Variants in WDR70 observed in about 807,000 individuals in gnomAD.
WDR70 encodes WD repeat domain 70, also known as WD repeat-containing protein 70.
Under a neutral mutation model 88.6 loss-of-function variants are expected in WDR70, and 53 were observed. The ratio of observed to expected loss-of-function variants is 0.60; its 90% CI spans 0.48 to 0.75. The LOEUF is 0.75. Ranked by LOEUF, WDR70 falls within the 30% of genes least tolerant of loss-of-function variation. WDR70 has a pLI of 0.00. For synonymous variants in WDR70, 280 were observed against 270.0 expected, an observed-to-expected ratio of 1.04 and a Z score of -0.36; for missense variants, 610 against 823.2, an observed-to-expected ratio of 0.74 and a Z score of 3.17.
chr5:37,680,827 A>G (rs572068971), intron 10 of WDR70, among the ~76,000 whole-genome samples: 2 of 152,292 alleles, frequency 1.3e-5, no homozygotes, highest in African/African-American at 4.8e-5. Context: ...TGAGTTGGGT[A>G]GTGTGATGCA....
At chr5:37,749,569 A>G (rs577175714) in intron 17 of WDR70, among the ~76,000 whole-genome samples, 4 of 152,038 alleles carry the variant, frequency 2.6e-5, no homozygotes, top group Non-Finnish European at 5.9e-5. Context: ...AGAAGAAAAA[A>G]AATATTATGC....
intron 10 of WDR70, among the ~76,000 whole-genome samples, chr5:37,626,153 A>T (rs1211989652): frequency 6.6e-6 from 1 of 152,050 alleles, no homozygotes; most frequent in Non-Finnish European, 1.5e-5. Flanking sequence ...GACTTCCATT[A>T]GTATGTTGAA....
rs375523858 is a variant in WDR70 at position 37,505,961 on chromosome 5, A to G, written c.841-10553A>G. The G allele has an allele frequency of 2.4e-5, 38 of 1,574,776 alleles. No homozygotes were observed. In the African/African-American group the frequency reaches 5.1e-4, roughly 21 times the overall value. On this transcript the variant is annotated intron_variant, in intron 8 of 17. Coordinates refer to ENST00000265107, the MANE Select transcript of WDR70 (RefSeq NM_018034.4). Reference sequence around the variant, plus strand: ...CACCTTCTAAATTGGCTTTAAGACCAGAAAGATCCTCAAAATTACACAGTT... The same window carrying G: ...CACCTTCTAAATTGGCTTTAAGACCGGAAAGATCCTCAAAATTACACAGTT...
At chr5:37,641,050 G>T (rs578180656) in intron 10 of WDR70, among the ~76,000 whole-genome samples, 3 of 152,168 alleles carry the variant, frequency 2.0e-5, no homozygotes, top group Non-Finnish European at 2.9e-5. Flanking sequence ...TTTTTCCTCA[G>T]CTCTATGATC....
At chr5:37,674,530 A>G (rs937543167) in intron 10 of WDR70, among the ~76,000 whole-genome samples, 3 of 152,042 alleles carry the variant, frequency 2.0e-5, no homozygotes, top group South Asian at 2.1e-4. Flanking sequence ...ATGATTTCCA[A>G]TTTCATCCAT....
In WDR70 at chr5:37,433,217, C is replaced by T. The variant is rs142548607; in HGVS notation, c.493-4705C>T. ...TTAGAATTACAGGTGTGTGCTACCACGCCTGGCTAATTTTTGTATTTTTAG... is the reference window on the plus strand; with the variant it reads ...TTAGAATTACAGGTGTGTGCTACCATGCCTGGCTAATTTTTGTATTTTTAG... On this transcript the variant is annotated intron_variant, in intron 5 of 17. Coordinates refer to ENST00000265107, the MANE Select transcript of WDR70 (RefSeq NM_018034.4). 2.3e-4 allele frequency among the ~76,000 whole-genome samples: 35 copies of T among 152,116 alleles called. 1 individual carries two copies. In the East Asian group the frequency reaches 5.2e-3, roughly 23 times the overall value.
At chr5:37,743,490 C>T (rs1010829091) in intron 17 of WDR70, among the ~76,000 whole-genome samples, 1 of 152,238 alleles carries the variant, frequency 6.6e-6, no homozygotes, top group African/African-American at 2.4e-5. Flanking sequence ...GCAGCTAGCA[C>T]TGGGACTAGC....
rs1300755333 is a variant in WDR70, at chr5:37,722,923, A to G, written c.1586A>G (p.Tyr529Cys). Residue 529 changes from tyrosine to cysteine, a missense_variant, in exon 15 of 18, where the codon TAC becomes TGC. Physicochemically the swap from Tyr to Cys is radical, Grantham distance 194. Coordinates refer to ENST00000265107, the MANE Select transcript of WDR70 (RefSeq NM_018034.4). ...AKQAETLTQDYIITPHALPMF... is the reference protein window; with the variant it reads ...AKQAETLTQDCIITPHALPMF... ...CAAGCTGAGACTCTAACTCAGGACT[A>G]CATCATCACCCGTAAGTCGTTAACA... The G allele has an allele frequency of 6.2e-7, 1 of 1,613,456 alleles. No individual in the cohort carries two copies. The highest frequency in any genetic ancestry group is 8.5e-7 in the Non-Finnish European group (1 of 1,179,632).
chr5:37,446,468 G>C (rs1359386995), intron 7 of WDR70, among the ~76,000 whole-genome samples: 1 of 152,146 alleles, frequency 6.6e-6, no homozygotes. Flanking sequence ...CCAAAAAAGA[G>C]CCCGCATCGC....
chr5:37,630,891 A>G (rs1236132617), intron 10 of WDR70, among the ~76,000 whole-genome samples: 4 of 152,198 alleles, frequency 2.6e-5, no homozygotes, highest in Admixed American at 2.0e-4. Flanking sequence ...AATCTGGAGC[A>G]GTGAAACTGC....
At chr5:37,411,619 G>A (rs962899262) in intron 5 of WDR70, among the ~76,000 whole-genome samples, 47 of 152,164 alleles carry the variant, frequency 3.1e-4, no homozygotes, top group African/African-American at 8.7e-4. Flanking sequence ...CCAGCTACTC[G>A]GGAGGCTGAG....
chr5:37,699,329 C>CAT (rs2112654417), intron 11 of WDR70, among the ~76,000 whole-genome samples: 1 of 61,208 alleles, frequency 1.6e-5, no homozygotes, highest in East Asian at 3.6e-4. Flanking sequence ...TCCTTTCCAT[C>CAT]ATACACACAC....
intron 7 of WDR70, among the ~76,000 whole-genome samples, chr5:37,445,968 G>A (rs1738462250): frequency 6.6e-6 from 1 of 152,056 alleles, no homozygotes; most frequent in Non-Finnish European, 1.5e-5. Context: ...GAAATAAAGG[G>A]TATTCAGTTA....
intron 10 of WDR70, among the ~76,000 whole-genome samples, chr5:37,611,920 A>C (rs1026906158): frequency 4.6e-5 from 7 of 152,050 alleles, no homozygotes; most frequent in Non-Finnish European, 8.8e-5. Context: ...ATATCATCAA[A>C]GACTTGTATA....
chr5:37,515,127 T>C (rs900048975), intron 8 of WDR70, among the ~76,000 whole-genome samples: 1 of 151,784 alleles, frequency 6.6e-6, no homozygotes, highest in African/African-American at 2.4e-5. Context: ...TAAGTGATAG[T>C]GATGAAAAAG....
chr5:37,710,971 A>C (rs1747493481), intron 13 of WDR70, among the ~76,000 whole-genome samples: 1 of 151,432 alleles, frequency 6.6e-6, no homozygotes, highest in Non-Finnish European at 1.5e-5. Flanking sequence ...TCTCTGAAAA[A>C]CCCTATGCCT....
intron 10 of WDR70, among the ~76,000 whole-genome samples, chr5:37,635,591 G>A (rs1744939663): frequency 6.6e-6 from 1 of 152,044 alleles, no homozygotes; most frequent in Non-Finnish European, 1.5e-5. Flanking sequence ...ATTTGGTGTA[G>A]AAGTTAAATG....
intron 5 of WDR70, among the ~76,000 whole-genome samples, chr5:37,416,651 C>T (rs1749766187): frequency 6.6e-6 from 1 of 150,762 alleles, no homozygotes; most frequent in African/African-American, 2.4e-5. Context: ...GTGATATCGG[C>T]TCACTGCAAG....
chr5:37,552,317 T>C (rs1273595379), intron 9 of WDR70, among the ~76,000 whole-genome samples: 1 of 152,232 alleles, frequency 6.6e-6, no homozygotes, highest in East Asian at 1.9e-4. Flanking sequence ...ATTCAACATC[T>C]ATCATCTACT....
Sources: gnomAD v4.1 joint callset for allele counts (sites outside exome capture counted in the v4.1 genomes callset) on GRCh38, gnomAD v4.1.1 for gene constraint, MANE v1.5 for transcripts, NCBI Gene and HGNC (gene_info 2026-07-23, HGNC 2026-07-21) for gene names.